Variants in CDH18 observed in about 807,000 individuals in gnomAD.
CDH18 encodes the protein cadherin-18.
A neutral mutation model predicts 67.9 loss-of-function variants in CDH18; 31 were observed. The ratio of observed to expected loss-of-function variants is 0.46; its 90% CI spans 0.34 to 0.62. The LOEUF (loss-of-function observed/expected upper bound fraction) is 0.62, where lower values mean the gene tolerates loss of function less well. Among genes scored for constraint, CDH18 ranks in the 20% least tolerant of loss-of-function variants. The pLI is 0.01. For missense variants in CDH18, 890 were observed against 975.5 expected, an observed-to-expected ratio of 0.91 and a Z score of 1.17; for synonymous variants, 362 against 347.2, an observed-to-expected ratio of 1.04 and a Z score of -0.48.
intron 5 of CDH18, among the ~76,000 whole-genome samples, chr5:19,715,743 A>G (rs951114500): frequency 6.6e-6 from 1 of 151,928 alleles, no homozygotes; most frequent in Admixed American, 6.6e-5. Flanking sequence ...ATTTTTTACT[A>G]CTTCAGATAA....
chr5:20,143,531 A>G (rs896053813), intron 2 of CDH18, among the ~76,000 whole-genome samples: 1 of 151,976 alleles, frequency 6.6e-6, no homozygotes, highest in Admixed American at 6.6e-5. Context: ...CTATGCCCAG[A>G]TAATTTTTTC....
At chr5:20,138,856 G>A (rs1194898184) in intron 2 of CDH18, among the ~76,000 whole-genome samples, 1 of 152,064 alleles carries the variant, frequency 6.6e-6, no homozygotes, top group East Asian at 1.9e-4. Flanking sequence ...TCATGGACAG[G>A]AAGAATCAAT....
At chr5:19,489,278 C>G (rs1740913041) in intron 11 of CDH18, among the ~76,000 whole-genome samples, 2 of 132,786 alleles carry the variant, frequency 1.5e-5, no homozygotes, top group African/African-American at 2.9e-5. Flanking sequence ...GACTGAGTCT[C>G]TCTCTGTCGC....
chr5:19,503,509 C>T (rs1402878366), intron 10 of CDH18, among the ~76,000 whole-genome samples: 1 of 151,916 alleles, frequency 6.6e-6, no homozygotes, highest in Non-Finnish European at 1.5e-5. Flanking sequence ...GTATGTTGGT[C>T]TAAGTAGTAA....
intron 2 of CDH18, among the ~76,000 whole-genome samples, chr5:19,893,666 G>A (rs1466485743): frequency 6.6e-6 from 1 of 152,074 alleles, no homozygotes; most frequent in African/African-American, 2.4e-5. Context: ...ACAACTGTAG[G>A]GGAACTTCAG....
chr5:20,051,378 A>C (rs1377969451), intron 2 of CDH18, among the ~76,000 whole-genome samples: 5 of 151,954 alleles, frequency 3.3e-5, no homozygotes, highest in African/African-American at 7.2e-5. Context: ...GTCTTCTATA[A>C]TATTTCTACC....
rs897007510 is a variant in CDH18 at position 19,729,097 on chromosome 5, C to G, written c.524-7631G>C. Among the ~76,000 whole-genome samples the G allele has an allele frequency of 7.9e-5, 12 of 152,236 alleles. No individual in the cohort carries two copies. The South Asian group carries it at 2.3e-3, about 29-fold the overall frequency. On this transcript the variant is annotated intron_variant, in intron 4 of 12. Coordinates refer to ENST00000382275, the MANE Select transcript of CDH18 (RefSeq NM_004934.5). ...ACTATTTTGTGTACTAACTATAAAACCACAGCAATTGTTAATTTCTGTGCA... is the reference window on the plus strand; with the variant it reads ...ACTATTTTGTGTACTAACTATAAAAGCACAGCAATTGTTAATTTCTGTGCA...
intron 2 of CDH18, among the ~76,000 whole-genome samples, chr5:20,159,359 G>A (rs1341367237): frequency 6.6e-6 from 1 of 152,094 alleles, no homozygotes; most frequent in Non-Finnish European, 1.5e-5. Flanking sequence ...CCAATAAGAG[G>A]AGAAGTTGTG....
chr5:19,500,181 A>C (rs1469376213), intron 11 of CDH18, among the ~76,000 whole-genome samples: 1 of 151,418 alleles, frequency 6.6e-6, no homozygotes, highest in African/African-American at 2.4e-5. Flanking sequence ...CCCTTATTCC[A>C]CTGTATTTTC....
At chr5:20,546,750 G>C (rs1651449) in intron 1 of CDH18, among the ~76,000 whole-genome samples, 66,655 of 150,942 alleles carry the variant, frequency 0.44, 15,089 homozygotes, top group East Asian at 0.57. Context: ...TACATACATA[G>C]ACACACACAC....
At chr5:19,566,730 A>G (rs780291531) in intron 8 of CDH18, among the ~76,000 whole-genome samples, 8 of 152,200 alleles carry the variant, frequency 5.3e-5, no homozygotes, top group Non-Finnish European at 1.2e-4. Context: ...GGGTGAGGAC[A>G]CAGCCAAACC....
chr5:20,454,122 G>C (rs1179673609), intron 1 of CDH18, among the ~76,000 whole-genome samples: 1 of 152,034 alleles, frequency 6.6e-6, no homozygotes, highest in Non-Finnish European at 1.5e-5. Context: ...TAGCAAATTT[G>C]CCTAGGCCAA....
chr5:19,697,765 T>A (rs527861871), intron 5 of CDH18, among the ~76,000 whole-genome samples: 1 of 152,202 alleles, frequency 6.6e-6, no homozygotes. Flanking sequence ...ATGACACCTA[T>A]GCCATTAAGA....
At chr5:19,900,250 A>G (rs1214588525) in intron 2 of CDH18, among the ~76,000 whole-genome samples, 1 of 152,070 alleles carries the variant, frequency 6.6e-6, no homozygotes, top group Non-Finnish European at 1.5e-5. Context: ...GGGAGGAAGG[A>G]GAGAGGGAGG....
chr5:20,484,296 T>C (rs1189985941), intron 1 of CDH18, among the ~76,000 whole-genome samples: 2 of 151,940 alleles, frequency 1.3e-5, no homozygotes, highest in African/African-American at 4.8e-5. Context: ...GGCAAGGATG[T>C]GGAGAAAAGA....
chr5:19,702,321 T>C (rs191590138), intron 5 of CDH18, among the ~76,000 whole-genome samples: 3 of 151,780 alleles, frequency 2.0e-5, no homozygotes, highest in Non-Finnish European at 4.4e-5. Context: ...GCTAATTTTA[T>C]GTATTTTAGT....
chr5:20,453,516 A>C (rs1750619678), intron 1 of CDH18, among the ~76,000 whole-genome samples: 1 of 151,910 alleles, frequency 6.6e-6, no homozygotes, highest in Non-Finnish European at 1.5e-5. Flanking sequence ...ATATCCTATC[A>C]ATCAATCAAC....
At chr5:20,015,506 T>A (rs1737803994) in intron 2 of CDH18, among the ~76,000 whole-genome samples, 1 of 152,150 alleles carries the variant, frequency 6.6e-6, no homozygotes, top group African/African-American at 2.4e-5. Context: ...TAACACCATG[T>A]TTACACTCAT....
At chr5:19,515,603 T>A (rs1457171583) in intron 10 of CDH18, among the ~76,000 whole-genome samples, 3 of 152,164 alleles carry the variant, frequency 2.0e-5, no homozygotes, top group Admixed American at 2.0e-4. Context: ...TTTTATTCTC[T>A]TTGTAGCAAT....
Sources: gnomAD v4.1 joint callset for allele counts (sites outside exome capture counted in the v4.1 genomes callset) on GRCh38, gnomAD v4.1.1 for gene constraint, MANE v1.5 for transcripts, NCBI Gene and HGNC (gene_info 2026-07-23, HGNC 2026-07-21) for gene names.